The following YAE1 variants were observed in gnomAD, a reference collection of about 807,000 sequenced individuals.
YAE1 encodes the protein YAE1 maturation factor of ABCE1, also known as protein YAE1 homolog.
YAE1 carries 22 observed loss-of-function variants against 23.0 expected under a neutral mutation model. The ratio of observed to expected loss-of-function variants is 0.96; its 90% confidence interval spans 0.68 to 1.37. The LOEUF is 1.37. Ranked by LOEUF, YAE1 falls within the 40% of genes most tolerant of loss-of-function variation. The pLI, the probability that YAE1 is intolerant of heterozygous loss-of-function variation, is 0.00. For synonymous variants in YAE1, 101 were observed against 97.0 expected, an observed-to-expected ratio of 1.04 and a Z score of -0.24; for missense variants, 260 against 262.1, an observed-to-expected ratio of 0.99 and a Z score of 0.06.
intron 2 of YAE1, among the ~76,000 whole-genome samples, chr7:39,594,284 C>A (rs1239462155): frequency 6.6e-6 from 1 of 152,168 alleles, no homozygotes; most frequent in Non-Finnish European, 1.5e-5. Flanking sequence ...TTTCTAGAAT[C>A]TTCTCCCTCA....
At chr7:39,577,209 C>T (rs6943186), downstream of YAE1, among the ~76,000 whole-genome samples, 101,432 of 152,200 alleles carry the variant, frequency 0.67, 34,703 homozygotes, top group African/African-American at 0.83. Context: ...GTTTGCCTTT[C>T]TAAAAAATGT....
At chr7:39,609,053 T>C (rs1791168223) in intron 2 of YAE1, among the ~76,000 whole-genome samples, 1 of 152,152 alleles carries the variant, frequency 6.6e-6, no homozygotes, top group Non-Finnish European at 1.5e-5. Flanking sequence ...ATGTCAGAAA[T>C]CTCACTTTCA....
At chr7:39,597,585 A>G (rs1790994552) in intron 2 of YAE1, among the ~76,000 whole-genome samples, 1 of 152,156 alleles carries the variant, frequency 6.6e-6, no homozygotes, top group South Asian at 2.1e-4. Context: ...CTGGGGAAAA[A>G]TATACTTCTG....
chr7:39,572,698 C>T lies in YAE1; in HGVS notation c.673C>T (p.Gln225Ter). Residue 225 changes from glutamine (Q) to a stop codon, truncating the protein, a stop_gained, in exon 3 of 3, where the codon CAA (glutamine) becomes TAA (stop). Transcript: ENST00000223273. LOFTEE classifies it high-confidence loss of function. Reference sequence around the variant, plus strand: ...AGTAGATGTATTACAACACCTCAAACAACTATAAAATTACCTTCCCTTTTC... The same window carrying T: ...AGTAGATGTATTACAACACCTCAAATAACTATAAAATTACCTTCCCTTTTC... Reference protein sequence around the residue: ...LSVDVLQHLKQL With the variant: ...LSVDVLQHLK 6.4e-7 allele frequency: 1 copy of T among 1,568,538 alleles called. No homozygotes were observed. The highest frequency in any genetic ancestry group is 1.2e-5 in the South Asian group (1 of 83,436).
At chr7:39,603,613 C>G (rs1426207801) in intron 2 of YAE1, among the ~76,000 whole-genome samples, 1 of 152,078 alleles carries the variant, frequency 6.6e-6, no homozygotes, top group East Asian at 1.9e-4. Context: ...TAAAAAATTC[C>G]AGTAGATGGA....
At chr7:39,586,043 T>A (rs1022182298) in intron 2 of YAE1, among the ~76,000 whole-genome samples, 8 of 152,136 alleles carry the variant, frequency 5.3e-5, no homozygotes, top group Non-Finnish European at 1.2e-4. Context: ...AAGGCTGCTG[T>A]AAGCCGCGAT....
At chr7:39,583,985 G>A (rs1294980677) in intron 2 of YAE1, among the ~76,000 whole-genome samples, 1 of 152,140 alleles carries the variant, frequency 6.6e-6, no homozygotes, top group Non-Finnish European at 1.5e-5. Flanking sequence ...CATCATACCT[G>A]CAATTTGAAT....
At chr7:39,599,494 G>A (rs551451960) in intron 2 of YAE1, among the ~76,000 whole-genome samples, 43 of 151,974 alleles carry the variant, frequency 2.8e-4, no homozygotes, top group African/African-American at 1.0e-3. Flanking sequence ...TCCTGCCTCA[G>A]CCTCTTGAGA....
intron 2 of YAE1, among the ~76,000 whole-genome samples, chr7:39,591,844 T>C (rs1272343593): frequency 6.6e-6 from 1 of 152,182 alleles, no homozygotes; most frequent in Admixed American, 6.5e-5. Flanking sequence ...CATCCCTCTC[T>C]CCCTACCTAA....
At chr7:39,606,037 T>G (rs1438321852) in intron 2 of YAE1, among the ~76,000 whole-genome samples, 1 of 151,726 alleles carries the variant, frequency 6.6e-6, no homozygotes, top group Non-Finnish European at 1.5e-5. Flanking sequence ...CCAAGAATCA[T>G]GGTAAACAAT....
intron 2 of YAE1, among the ~76,000 whole-genome samples, chr7:39,579,494 AC>A (rs1444360028): frequency 6.6e-6 from 1 of 151,570 alleles, no homozygotes; most frequent in Non-Finnish European, 1.5e-5. Context: ...CATGGCAAAA[AC>A]CCATCTCTAC....
intron 2 of YAE1, among the ~76,000 whole-genome samples, chr7:39,588,589 G>A (rs184010358): frequency 5.5e-4 from 84 of 151,938 alleles, no homozygotes; most frequent in Non-Finnish European, 9.4e-4. Flanking sequence ...ACACCACAGT[G>A]TTTCTTTCCT....
downstream of YAE1, among the ~76,000 whole-genome samples, chr7:39,575,577 A>AGAGAGAGAGAGTGTGTGTGT (rs1173016799): frequency 1.2e-5 from 1 of 80,208 alleles, no homozygotes; most frequent in Non-Finnish European, 2.4e-5. Context: ...AGAGAGAGAG[A>AGAGAGAGAGAGTGTGTGTGT]GTGAGTGTGT....
rs770612099 is a variant in YAE1, at chr7:39,609,807, T to C, written c.442T>C (p.Phe148Leu). The C allele has an allele frequency of 5.2e-6, 8 of 1,531,496 alleles. No homozygotes were observed. The South Asian group carries it at 9.6e-5, about 18-fold the overall frequency. 94.9% of individuals were successfully genotyped at this position (1,531,496 alleles called of 1,614,324 possible). Reference sequence around the variant, plus strand: ...CCAAAGCGGCCGCGCCACTCCCCGCTTCCCCGCCCGGCTCCGGGCCCCAGG... The same window carrying C: ...CCAAAGCGGCCGCGCCACTCCCCGCCTCCCCGCCCGGCTCCGGGCCCCAGG... The change falls in exon 3 of 3, where the codon TTC (phenylalanine) becomes CTC (leucine). Residue 148 changes from phenylalanine (F) to leucine (L), a missense_variant. Phe to Leu is a conservative substitution (Grantham distance 22). Coordinates refer to the YAE1 transcript ENST00000432096.
downstream of YAE1, among the ~76,000 whole-genome samples, chr7:39,573,710 AAAGTATATCTTTTC>A (rs1790609890): frequency 6.6e-6 from 1 of 152,216 alleles, no homozygotes; most frequent in Non-Finnish European, 1.5e-5. Context: ...AGAATCTGAC[AAAGTATATCTTTTC>A]AAGAGATTAA....
chr7:39,575,537 GGAGAGAGAGAGAGAGAGAGA>G (rs56954676), downstream of YAE1, among the ~76,000 whole-genome samples: 2 of 131,284 alleles, frequency 1.5e-5, no homozygotes, highest in South Asian at 2.8e-4. Context: ...CTAAGATACA[GGAGAGAGAGAGAGAGAGAGA>G]GAGAGAGAGA....
intron 2 of YAE1, among the ~76,000 whole-genome samples, chr7:39,604,750 A>G (rs1791104626): frequency 6.6e-6 from 1 of 152,202 alleles, no homozygotes; most frequent in African/African-American, 2.4e-5. Context: ...ATTTTTCCCT[A>G]GTATAAAGGA....
At chr7:39,610,835 G>A (rs1005277320), downstream of YAE1, among the ~76,000 whole-genome samples, 3 of 152,136 alleles carry the variant, frequency 2.0e-5, no homozygotes, top group African/African-American at 7.2e-5. Context: ...TGTTCACCAG[G>A]CACAAAATAG....
At chr7:39,593,558 G>A (rs1477172752) in intron 2 of YAE1, among the ~76,000 whole-genome samples, 2 of 151,836 alleles carry the variant, frequency 1.3e-5, no homozygotes, top group African/African-American at 4.8e-5. Context: ...TTTTATGGGT[G>A]CAAGAAATCC....
Sources: allele counts gnomAD v4.1 joint callset (sites outside exome capture counted in the v4.1 genomes callset), GRCh38; gene constraint gnomAD v4.1.1; transcripts MANE v1.5; gene names NCBI Gene and HGNC (gene_info 2026-07-23, HGNC 2026-07-21).